Variants in TASP1 observed in about 807,000 individuals in gnomAD.
TASP1 encodes taspase 1, also known as threonine aspartase 1.
Under a neutral mutation model 56.6 loss-of-function variants are expected in TASP1, and 16 were observed. The ratio of observed to expected loss-of-function variants is 0.28; its 90% CI spans 0.19 to 0.43. The LOEUF (loss-of-function observed/expected upper bound fraction) is 0.43, where lower values mean the gene tolerates loss of function less well. Ranked by LOEUF, TASP1 falls within the 20% of genes least tolerant of loss-of-function variation. The pLI, the probability that TASP1 is intolerant of heterozygous loss-of-function variation, is 1.00. For missense variants in TASP1, 393 were observed against 511.6 expected (o/e 0.77, Z 2.24); for synonymous variants, 179 against 184.2 (o/e 0.97, Z 0.23).
At chr20:13,465,461 T>C (rs2044220728) in intron 11 of TASP1, among the ~76,000 whole-genome samples, 1 of 152,052 alleles carries the variant, frequency 6.6e-6, no homozygotes, top group South Asian at 2.1e-4. Flanking sequence ...TTTGGGCATT[T>C]ATTGTCAAGA....
At chr20:13,558,250 C>G (rs540272071) in intron 8 of TASP1, among the ~76,000 whole-genome samples, 1 of 152,254 alleles carries the variant, frequency 6.6e-6, no homozygotes, top group East Asian at 1.9e-4. Flanking sequence ...ACCTGGGACA[C>G]CCATCATGAG....
the TASP1 span, among the ~76,000 whole-genome samples, chr20:13,234,331 A>C: frequency 6.6e-6 from 1 of 152,114 alleles, no homozygotes; most frequent in Non-Finnish European, 1.5e-5. Context: ...TCCATGGTAT[A>C]TTTCTTTACC....
chr20:13,114,041 G>A, the TASP1 span, among the ~76,000 whole-genome samples: 17 of 152,316 alleles, frequency 1.1e-4, no homozygotes, highest in Admixed American at 6.5e-4. Context: ...GAGGCAGAGC[G>A]GGGATTAAAA....
chr20:13,617,993 C>T (rs2048580530), intron 4 of TASP1, among the ~76,000 whole-genome samples: 1 of 151,926 alleles, frequency 6.6e-6, no homozygotes, highest in Non-Finnish European at 1.5e-5. Flanking sequence ...AGTATAGAGC[C>T]CAGGGAAGAG....
At chr20:13,351,498 T>C in the TASP1 span, among the ~76,000 whole-genome samples, 8 of 152,226 alleles carry the variant, frequency 5.3e-5, no homozygotes, top group Non-Finnish European at 8.8e-5. Flanking sequence ...ATCAGACAGA[T>C]CTTAAAGGCA....
the TASP1 span, among the ~76,000 whole-genome samples, chr20:13,257,039 T>C: frequency 2.0e-5 from 3 of 152,076 alleles, no homozygotes; most frequent in African/African-American, 7.2e-5. Context: ...AAGAGAATAA[T>C]AAAGAGGAGA....
At chr20:13,218,056 C>A in the TASP1 span, among the ~76,000 whole-genome samples, 1 of 152,004 alleles carries the variant, frequency 6.6e-6, no homozygotes, top group Non-Finnish European at 1.5e-5. Flanking sequence ...TTGAGACCAG[C>A]CTGGCCAATA....
chr20:13,207,018 G>A, the TASP1 span, among the ~76,000 whole-genome samples: 2 of 152,182 alleles, frequency 1.3e-5, no homozygotes, highest in Admixed American at 1.3e-4. Context: ...CAAGCTTTGT[G>A]TCAGTAAATA....
chr20:13,220,210 C>A, the TASP1 span, among the ~76,000 whole-genome samples: 90 of 152,296 alleles, frequency 5.9e-4, no homozygotes, highest in Middle Eastern at 3.4e-3. Flanking sequence ...AAAGTCCCGG[C>A]CGGACTGAGC....
intron 11 of TASP1, among the ~76,000 whole-genome samples, chr20:13,475,154 A>C (rs1023983375): frequency 1.3e-5 from 2 of 152,178 alleles, no homozygotes; most frequent in Non-Finnish European, 2.9e-5. Context: ...ATTACTTCTT[A>C]ATAACTTCTT....
At chr20:13,597,852 A>G (rs918126053) in intron 4 of TASP1, among the ~76,000 whole-genome samples, 3 of 152,234 alleles carry the variant, frequency 2.0e-5, no homozygotes, top group African/African-American at 7.2e-5. Context: ...TACAAAATCA[A>G]TGTGCAAAAA....
chr20:13,322,172 A>G, the TASP1 span, among the ~76,000 whole-genome samples: 1 of 152,212 alleles, frequency 6.6e-6, no homozygotes, highest in African/African-American at 2.4e-5. Context: ...AAAAGCTGCA[A>G]CCTAGCCTAG....
the TASP1 span, among the ~76,000 whole-genome samples, chr20:13,225,727 C>T: frequency 6.6e-6 from 1 of 152,118 alleles, no homozygotes; most frequent in African/African-American, 2.4e-5. Flanking sequence ...AAACTATCTG[C>T]AGTAGCTGCA....
intron 8 of TASP1, among the ~76,000 whole-genome samples, chr20:13,554,425 G>A (rs975380630): frequency 6.6e-6 from 1 of 152,074 alleles, no homozygotes; most frequent in Non-Finnish European, 1.5e-5. Context: ...CTAATTTATA[G>A]AGGTAGAATA....
chr20:13,607,489 A>T (rs1177194238), intron 4 of TASP1, among the ~76,000 whole-genome samples: 2 of 152,230 alleles, frequency 1.3e-5, no homozygotes, highest in African/African-American at 4.8e-5. Context: ...AACAGCTCTT[A>T]CAGATGCAAA....
At chr20:13,437,092 C>T (rs963631131) in intron 11 of TASP1, among the ~76,000 whole-genome samples, 4 of 151,904 alleles carry the variant, frequency 2.6e-5, no homozygotes, top group Admixed American at 6.6e-5. Context: ...TGATGAACAT[C>T]GATGCAAAAA....
intron 10 of TASP1, among the ~76,000 whole-genome samples, chr20:13,504,617 T>C (rs1279224038): frequency 6.6e-6 from 1 of 152,128 alleles, no homozygotes; most frequent in Non-Finnish European, 1.5e-5. Flanking sequence ...TCTGGTATAA[T>C]GGTTAAAAGA....
At chr20:13,504,924 C>T (rs1035498073) in intron 10 of TASP1, among the ~76,000 whole-genome samples, 1 of 151,704 alleles carries the variant, frequency 6.6e-6, no homozygotes, top group Non-Finnish European at 1.5e-5. Context: ...AATAACAAAA[C>T]GGCAATAGTA....
chr20:13,200,150 A>G, the TASP1 span, among the ~76,000 whole-genome samples: 1 of 152,006 alleles, frequency 6.6e-6, no homozygotes, highest in Admixed American at 6.5e-5. Context: ...TTCCTTCATC[A>G]TCTCAGAAAT....
Sources: allele counts gnomAD v4.1 joint callset (sites outside exome capture counted in the v4.1 genomes callset), GRCh38; gene constraint gnomAD v4.1.1; transcripts MANE v1.5; gene names NCBI Gene and HGNC (gene_info 2026-07-23, HGNC 2026-07-21).